The following DTNA variants were observed in gnomAD, a reference collection of about 807,000 sequenced individuals.
DTNA encodes the protein dystrobrevin alpha.
In DTNA, 43 loss-of-function variants were observed where a neutral mutation model predicts 100.7. The observed-to-expected ratio is 0.43, with a 90% CI of 0.33 to 0.55. The LOEUF is 0.55. DTNA is among the 20% of genes least tolerant of loss of function. DTNA has a pLI of 0.04. For synonymous variants in DTNA, 349 were observed against 347.9 expected, an observed-to-expected ratio of 1.00 and a Z score of -0.04; for missense variants, 798 against 953.9, an observed-to-expected ratio of 0.84 and a Z score of 2.15.
At chr18:34,799,917 A>G (rs753480592) in intron 4 of DTNA, among the ~76,000 whole-genome samples, 59 of 152,122 alleles carry the variant, frequency 3.9e-4, no homozygotes, top group Non-Finnish European at 6.8e-4. Flanking sequence ...CCGGCGCTAT[A>G]AGGAGTACTT....
At chr18:34,688,903 C>T (rs917807846) in intron 1 of DTNA, among the ~76,000 whole-genome samples, 1 of 151,974 alleles carries the variant, frequency 6.6e-6, no homozygotes, top group African/African-American at 2.4e-5. Context: ...GATCTTCAGT[C>T]TCTGATATCC....
chr18:34,832,060 G>A (rs1476886359), intron 11 of DTNA, among the ~76,000 whole-genome samples: 1 of 152,184 alleles, frequency 6.6e-6, no homozygotes, highest in Non-Finnish European at 1.5e-5. Context: ...ATTTTAAATA[G>A]TTGTGATTTG....
intron 2 of DTNA, among the ~76,000 whole-genome samples, chr18:34,757,846 C>T (rs938260864): frequency 5.3e-5 from 8 of 152,288 alleles, no homozygotes; most frequent in Middle Eastern, 3.4e-3. Flanking sequence ...TTGTGATTAA[C>T]GGTCAGAATA....
intron 1 of DTNA, among the ~76,000 whole-genome samples, chr18:34,639,634 G>T (rs2059047340): frequency 6.6e-6 from 1 of 152,118 alleles, no homozygotes; most frequent in Non-Finnish European, 1.5e-5. Flanking sequence ...TTCAGCAAAA[G>T]GCTTTTATGG....
intron 17 of DTNA, among the ~76,000 whole-genome samples, chr18:34,873,516 C>T (rs1465359919): frequency 1.3e-5 from 2 of 152,220 alleles, no homozygotes; most frequent in African/African-American, 4.8e-5. Context: ...GCCAGCAAGG[C>T]TCCCGCAGCC....
At chr18:34,551,885 G>C (rs796824841) in intron 1 of DTNA, among the ~76,000 whole-genome samples, 3 of 152,238 alleles carry the variant, frequency 2.0e-5, no homozygotes, top group African/African-American at 7.2e-5. Flanking sequence ...ATCTTGGCCT[G>C]TCTCTGCAAT....
intron 1 of DTNA, among the ~76,000 whole-genome samples, chr18:34,619,952 C>A (rs1021393749): frequency 1.6e-4 from 24 of 152,118 alleles, no homozygotes; most frequent in African/African-American, 5.6e-4. Context: ...CATCATGAGA[C>A]ACTGAGAATA....
At chr18:34,641,106 G>T (rs1419947937) in intron 1 of DTNA, among the ~76,000 whole-genome samples, 3 of 151,964 alleles carry the variant, frequency 2.0e-5, no homozygotes, top group Non-Finnish European at 4.4e-5. Flanking sequence ...AATCTATCTA[G>T]AATATTTCTA....
chr18:34,524,277 A>T (rs2042405960), intron 1 of DTNA, among the ~76,000 whole-genome samples: 2 of 152,188 alleles, frequency 1.3e-5, no homozygotes, highest in African/African-American at 2.4e-5. Flanking sequence ...TAATTGTAAA[A>T]ATATAAAAGT....
chr18:34,681,876 C>T (rs574432873), intron 1 of DTNA, among the ~76,000 whole-genome samples: 9 of 152,174 alleles, frequency 5.9e-5, no homozygotes, highest in African/African-American at 2.2e-4. Flanking sequence ...TGGGCTTTGA[C>T]AAATGCATAA....
Position 34,672,859 on chromosome 18 carries a change from T to G in DTNA, c.-1-83117T>G, listed in dbSNP as rs2076940379. On this transcript the variant is annotated intron_variant, in intron 1 of 19. Coordinates refer to the DTNA transcript ENST00000283365. ...GTGTGTATAACTGGAAGTAAATGTA[T>G]AAAATCTTCATAGGGATTTCCTGTG... Among the ~76,000 whole-genome samples, 4 of 152,238 alleles carry G rather than the reference T, an allele frequency of 2.6e-5. 1 individual carries two copies. The South Asian group carries it at 8.3e-4, about 32-fold the overall frequency.
At chr18:34,819,438 G>A (rs2095661442) in intron 8 of DTNA, among the ~76,000 whole-genome samples, 1 of 152,216 alleles carries the variant, frequency 6.6e-6, no homozygotes, top group African/African-American at 2.4e-5. Context: ...GCTGAGGACA[G>A]ATAGATACAT....
intron 13 of DTNA, among the ~76,000 whole-genome samples, chr18:34,841,551 G>A (rs1401243051): frequency 6.6e-6 from 1 of 151,980 alleles, no homozygotes; most frequent in African/African-American, 2.4e-5. Context: ...AATAAATTTT[G>A]TATTTATGAA....
At chr18:34,885,150 A>T (rs2150453922) in intron 22 of DTNA, among the ~76,000 whole-genome samples, 1 of 152,230 alleles carries the variant, frequency 6.6e-6, no homozygotes, top group Middle Eastern at 3.4e-3. Context: ...AAAAGTCAGT[A>T]CCTCTAGAGA....
chr18:34,783,929 C>G (rs1389605597), intron 3 of DTNA, among the ~76,000 whole-genome samples: 3 of 152,286 alleles, frequency 2.0e-5, no homozygotes, highest in South Asian at 4.2e-4. Context: ...CACAGTGCTC[C>G]CAGGAAATTC....
At chr18:34,715,058 G>A (rs1164011528) in intron 1 of DTNA, among the ~76,000 whole-genome samples, 2 of 146,566 alleles carry the variant, frequency 1.4e-5, no homozygotes, top group African/African-American at 5.1e-5. Context: ...GGACTGTTGT[G>A]GGATGGGGGG....
chr18:34,734,432 G>A (rs1012705487), intron 1 of DTNA, among the ~76,000 whole-genome samples: 4 of 152,168 alleles, frequency 2.6e-5, no homozygotes, highest in African/African-American at 4.8e-5. Flanking sequence ...AAGTTGCAGG[G>A]TCCCATTCTT....
intron 1 of DTNA, chr18:34,493,889 G>A (rs968845143): frequency 6.8e-6 from 1 of 147,944 alleles, no homozygotes; most frequent in Non-Finnish European, 1.5e-5. Flanking sequence ...CGGCTAGCGC[G>A]AAGCATGTGC....
chr18:34,829,576 C>A, intron 11 of DTNA, 87 bp downstream of exon 11: 4 of 1,319,680 alleles, frequency 3.0e-6, no homozygotes, highest in Non-Finnish European at 4.0e-6. Flanking sequence ...CTAAAATCCT[C>A]TCATAGTACG....
Sources: allele counts gnomAD v4.1 joint callset (sites outside exome capture counted in the v4.1 genomes callset), GRCh38; gene constraint gnomAD v4.1.1; transcripts MANE v1.5; gene names NCBI Gene and HGNC (gene_info 2026-07-23, HGNC 2026-07-21).